Variants in PDX1 observed in about 807,000 individuals in gnomAD.
PDX1 encodes the protein pancreas/duodenum homeobox protein 1.
PDX1 carries 7 observed loss-of-function variants against 11.1 expected under a neutral mutation model. The ratio of observed to expected loss-of-function variants is 0.63; its 90% confidence interval spans 0.36 to 1.19. The LOEUF is 1.19. PDX1 is among the 50% of genes most tolerant of loss of function. The pLI is 0.02. For synonymous variants in PDX1, 232 were observed against 196.2 expected, an observed-to-expected ratio of 1.18 and a Z score of -1.53; for missense variants, 449 against 412.1, an observed-to-expected ratio of 1.09 and a Z score of -0.78.
At chr13:27,921,486 C>G (rs1957787087) in intron 1 of PDX1, among the ~76,000 whole-genome samples, 1 of 152,252 alleles carries the variant, frequency 6.6e-6, no homozygotes, top group African/African-American at 2.4e-5. Flanking sequence ...CGCCGCTACT[C>G]ACTGTCATCG....
At position 27,924,572 on chromosome 13, in the gene PDX1, G is replaced by T. The variant is rs754818945; in HGVS notation, c.723G>T (p.Pro241=). ...AGGAGCTTCTGGCGCTGCCGCCGCC[G>T]CCGCCCCCCGGAGGTGCTGTGCCGC... ...SGEELLALPP[P]PPPGGAVPPA... Residue 241 remains proline, a synonymous_variant, in exon 2 of 2, where the codon CCG becomes CCT. Transcript: ENST00000381033. The surrounding 1 kb of genome is among the most constrained non-coding windows in gnomAD (Gnocchi z 4.8). The T allele has an allele frequency of 2.0e-6, 3 of 1,505,590 alleles. No homozygotes were observed. The highest frequency in any genetic ancestry group is 8.8e-7 in the Non-Finnish European group (1 of 1,132,394). 93.3% of individuals were successfully genotyped at this position (1,505,590 alleles called of 1,614,324 possible).
rs1307141133 is a variant in PDX1 at position 27,925,276 on chromosome 13, C to G, written c.*575C>G. 1 of 181,428 alleles carries G rather than the reference C, an allele frequency of 5.5e-6. No homozygotes were observed. The highest frequency in any genetic ancestry group is 1.2e-5 in the Non-Finnish European group (1 of 85,600). The allele number at this position is 181,428 out of a possible 1,614,324, so 11.2% of individuals were successfully genotyped here. On this transcript the variant is annotated 3_prime_UTR_variant, in exon 2 of 2. Transcript: ENST00000381033. ...CTTCCTCCTCCTCCTCTTCCCCCTC[C>G]CCTTCCTCCTCCTCCTCTTCTTTTC...
In PDX1 at chr13:27,924,008, A is replaced by C. The variant is rs112453502; in HGVS notation, c.407-248A>C. Among the ~76,000 whole-genome samples the C allele has an allele frequency of 3.1e-4, 47 of 152,378 alleles. No individual in the cohort carries two copies. Among genetic ancestry groups the C allele is most frequent in the Middle Eastern group, 3.4e-3 (1 of 294 alleles). On this transcript the variant is annotated intron_variant, in intron 1 of 1. Coordinates refer to ENST00000381033, the MANE Select transcript of PDX1 (RefSeq NM_000209.4). The surrounding 1 kb of genome is among the most constrained non-coding windows in gnomAD (Gnocchi z 4.8). Reference sequence around the variant, plus strand: ...CATTGGCAGAGCCAAGCTTAGGCTCACGGCGAGAGCTGACTCGAGTTTGGT... The same window carrying C: ...CATTGGCAGAGCCAAGCTTAGGCTCCCGGCGAGAGCTGACTCGAGTTTGGT...
chr13:27,924,217 G>A lies in PDX1; in HGVS notation c.407-39G>A, dbSNP rs750758071. 6.6e-7 allele frequency: 1 copy of A among 1,513,426 alleles called. No individual in the cohort carries two copies. Among genetic ancestry groups the A allele is most frequent in the Non-Finnish European group, 8.9e-7 (1 of 1,128,494 alleles). 93.7% of individuals were successfully genotyped at this position (1,513,426 alleles called of 1,614,324 possible). On this transcript the variant is annotated intron_variant, in intron 1 of 1. Transcript: ENST00000381033. This position sits in a 1 kb window ranked among gnomAD's most constrained non-coding sequence, Gnocchi z 4.8. The stretch of plus-strand genomic sequence containing the variant: ...GGCTGCGTGGGTGGGGGCTGTGCGG[G>A]GCTCCGGGGGCCACACTCACGCCCT...
Position 27,925,071 on chromosome 13 carries a change from C to G in PDX1, c.*370C>G, listed in dbSNP as rs554736447. The G allele has an allele frequency of 3.7e-6, 1 of 267,272 alleles. No individual in the cohort carries two copies. The highest frequency in any genetic ancestry group is 2.2e-5 in the African/African-American group (1 of 44,980). The allele number at this position is 267,272 out of a possible 1,614,324, so 16.6% of individuals were successfully genotyped here. ...TCTTCAAAGACAATGGAAACTGTAC[C>G]ATACACATTGGAAGGCTCCCTAACA... On this transcript the variant is annotated 3_prime_UTR_variant, in exon 2 of 2. Coordinates refer to ENST00000381033, the MANE Select transcript of PDX1 (RefSeq NM_000209.4).
chr13:27,922,813 C>A (rs938616377), intron 1 of PDX1, among the ~76,000 whole-genome samples: 1 of 152,184 alleles, frequency 6.6e-6, no homozygotes, highest in Non-Finnish European at 1.5e-5. Flanking sequence ...AGAGACATGT[C>A]GGTTTAATGT....
At position 27,926,016 on chromosome 13, in the gene PDX1, C is replaced by T. The variant is rs954250190; in HGVS notation, c.*1315C>T. The T allele has an allele frequency of 5.9e-5, 9 of 152,248 alleles. No individual in the cohort carries two copies. Among genetic ancestry groups the T allele is most frequent in the African/African-American group, 2.2e-4 (9 of 41,468 alleles). 9.4% of individuals were successfully genotyped at this position (152,248 alleles called of 1,614,324 possible). A position where few individuals can be genotyped will look rare whatever the true frequency, so the allele number is the denominator to read the frequency against. The stretch of plus-strand genomic sequence containing the variant: ...ACAACTATTCACGAGCCAGTATGAC[C>T]TTCACATCTTTAGAAATTATGAAAA... On this transcript the variant is annotated 3_prime_UTR_variant, in exon 2 of 2. Coordinates refer to ENST00000381033, the MANE Select transcript of PDX1 (RefSeq NM_000209.4).
chr13:27,923,402 C>A (rs1258354107), intron 1 of PDX1, among the ~76,000 whole-genome samples: 1 of 152,202 alleles, frequency 6.6e-6, no homozygotes, highest in Non-Finnish European at 1.5e-5. Flanking sequence ...GGATCCAGGG[C>A]GTAGAGTCTG....
chr13:27,922,541 A>T (rs1041649493), intron 1 of PDX1, among the ~76,000 whole-genome samples: 1 of 152,160 alleles, frequency 6.6e-6, no homozygotes, highest in Non-Finnish European at 1.5e-5. Flanking sequence ...GTTTTGAAAA[A>T]CATTGACCCC....
rs1048297235 is a variant in PDX1, at chr13:27,920,274, C to T, written c.136C>T (p.Pro46Ser). 3.2e-6 allele frequency: 5 copies of T among 1,540,874 alleles called. No homozygotes were observed. In the African/African-American group the frequency reaches 5.6e-5, roughly 17 times the overall value. Residue 46 changes from proline to serine, a missense_variant, in exon 1 of 2, where the codon CCG (proline) becomes TCG (serine). By Grantham distance (74) the Pro-to-Ser change is moderately conservative. Around this residue, in one of 3 missense-constraint regions of PDX1, gnomAD observed 263 missense variants for 212.5 expected, o/e 1.24. Coordinates refer to ENST00000381033, the MANE Select transcript of PDX1 (RefSeq NM_000209.4). ...LYMGRQPPPP[P>S]PHPFPGALGA... Reference sequence around the variant, plus strand: ...CATGGGCCGCCAGCCCCCGCCGCCGCCGCCGCACCCGTTCCCTGGCGCCCT... The same window carrying T: ...CATGGGCCGCCAGCCCCCGCCGCCGTCGCCGCACCCGTTCCCTGGCGCCCT...
rs193922352 is a variant in PDX1, at chr13:27,920,088, A to ACTCCCGGCTCCCGG, written c.-36_-23dup. The ACTCCCGGCTCCCGG allele has an allele frequency of 1.3e-6, 2 of 1,546,312 alleles. No individual in the cohort carries two copies. Among genetic ancestry groups the ACTCCCGGCTCCCGG allele is most frequent in the Non-Finnish European group, 8.7e-7 (1 of 1,144,970 alleles). On this transcript the variant is annotated 5_prime_UTR_variant, in exon 1 of 2. Coordinates refer to ENST00000381033, the MANE Select transcript of PDX1 (RefSeq NM_000209.4). ...GCCAAATCCCCGGCTCCAGCTCCCG[A>ACTCCCGGCTCCCGG]CTCCCGGCTCCCGGCTCCCGGCTCC... is the stretch of plus-strand genomic sequence containing the variant.
Position 27,924,806 on chromosome 13 carries a change from G to T in PDX1, c.*105G>T, listed in dbSNP as rs569303756. ...GGACCACCCGCCCTGGCAGTTGAAT[G>T]GGGCGGCAATTGCGGGGCCCACCTT... On this transcript the variant is annotated 3_prime_UTR_variant, in exon 2 of 2. Coordinates refer to ENST00000381033, the MANE Select transcript of PDX1 (RefSeq NM_000209.4). The surrounding 1 kb of genome is among the most constrained non-coding windows in gnomAD (Gnocchi z 4.8). 7.1e-5 allele frequency: 68 copies of T among 952,064 alleles called. No individual in the cohort carries two copies. In the African/African-American group the frequency reaches 1.1e-3, roughly 15 times the overall value. 59.0% of individuals were successfully genotyped at this position (952,064 alleles called of 1,614,324 possible). A position where few individuals can be genotyped will look rare whatever the true frequency, so the allele number is the denominator to read the frequency against.
chr13:27,923,309 C>T (rs890474142), intron 1 of PDX1, among the ~76,000 whole-genome samples: 3 of 152,230 alleles, frequency 2.0e-5, no homozygotes, highest in Non-Finnish European at 4.4e-5. Flanking sequence ...TTCTGCACCA[C>T]TACCACCTCC....
In PDX1 at chr13:27,920,030, G is replaced by A. The variant is rs1432265293; in HGVS notation, c.-109G>A. ...CAGTGCGGAGCTGTCAAAGCGAGCA[G>A]GGGTGGCGCCGGGAGTGGGAACGCC... On this transcript the variant is annotated 5_prime_UTR_variant, in exon 1 of 2. Coordinates refer to ENST00000381033, the MANE Select transcript of PDX1 (RefSeq NM_000209.4). The A allele has an allele frequency of 1.2e-6, 1 of 813,842 alleles. No homozygotes were observed. The highest frequency in any genetic ancestry group is 1.7e-6 in the Non-Finnish European group (1 of 596,424). The allele number at this position is 813,842 out of a possible 1,614,324, so 50.4% of individuals were successfully genotyped here. A position where few individuals can be genotyped will look rare whatever the true frequency, so the allele number is the denominator to read the frequency against.
intron 1 of PDX1, among the ~76,000 whole-genome samples, chr13:27,923,318 C>T (rs1957801127): frequency 6.6e-6 from 1 of 152,236 alleles, no homozygotes; most frequent in Non-Finnish European, 1.5e-5. Flanking sequence ...ACTACCACCT[C>T]CTCCGTAGGG....
At position 27,924,475 on chromosome 13, in the gene PDX1, G is replaced by T; in HGVS notation, c.626G>T (p.Arg209Leu). ...TGGAAAAAGGAGGAGGACAAGAAGC[G>T]CGGCGGCGGGACAGCTGTCGGGGGT... ...MKWKKEEDKK[R>L]GGGTAVGGGG... is the part of the protein sequence containing the mutation. The change falls in exon 2 of 2, where the codon CGC becomes CTC. Residue 209 changes from arginine (R) to leucine (L), a missense_variant. Coordinates refer to ENST00000381033, the MANE Select transcript of PDX1 (RefSeq NM_000209.4). The surrounding 1 kb of genome is among the most constrained non-coding windows in gnomAD (Gnocchi z 4.8). 2 of 1,612,916 alleles carry T rather than the reference G, an allele frequency of 1.2e-6. No homozygotes were observed. Among genetic ancestry groups the T allele is most frequent in the Non-Finnish European group, 8.5e-7 (1 of 1,179,848 alleles).
rs1167923934 is a variant in PDX1 at position 27,924,678 on chromosome 13, C to G, written c.829C>G (p.Arg277Gly). The change falls in exon 2 of 2, where the codon CGG (arginine) becomes GGG (glycine). Residue 277 changes from arginine to glycine, a missense_variant. Around this residue, in one of 3 missense-constraint regions of PDX1, gnomAD observed 139 missense variants for 121.4 expected, o/e 1.14. Transcript: ENST00000381033. The surrounding 1 kb of genome is among the most constrained non-coding windows in gnomAD (Gnocchi z 4.8). ...ASPQPSSVAP[R>G]RPQEPR ...GCCACAGCCCTCCAGCGTCGCGCCT[C>G]GGCGGCCGCAGGAACCACGATGAGA... is the stretch of plus-strand genomic sequence containing the variant. The G allele has an allele frequency of 2.0e-6, 3 of 1,469,134 alleles. No individual in the cohort carries two copies. In the Admixed American group the frequency reaches 7.0e-5, roughly 34 times the overall value. The allele number at this position is 1,469,134 out of a possible 1,614,324, so 91.0% of individuals were successfully genotyped here.
intron 1 of PDX1, among the ~76,000 whole-genome samples, chr13:27,921,811 A>G (rs1270195245): frequency 2.6e-5 from 4 of 152,198 alleles, no homozygotes; most frequent in Non-Finnish European, 5.9e-5. Context: ...CTGCGCTGCA[A>G]TCGTCCCCAC....
In PDX1 at chr13:27,920,281, A is replaced by G. The variant is rs888522846; in HGVS notation, c.143A>G (p.His48Arg). The change falls in exon 1 of 2, where the codon CAC (histidine) becomes CGC (arginine). Residue 48 changes from histidine (H) to arginine (R), a missense_variant. This residue lies in a region of PDX1 where 263 missense variants were observed against 212.5 expected (regional missense o/e 1.24). Coordinates refer to ENST00000381033, the MANE Select transcript of PDX1 (RefSeq NM_000209.4). ...MGRQPPPPPP[H>R]PFPGALGALE... ...CGCCAGCCCCCGCCGCCGCCGCCGC[A>G]CCCGTTCCCTGGCGCCCTGGGCGCG... The G allele has an allele frequency of 1.9e-6, 3 of 1,539,782 alleles. No individual in the cohort carries two copies. The highest frequency in any genetic ancestry group is 4.0e-5 in the Admixed American group (2 of 50,188).
Sources: allele counts gnomAD v4.1 joint callset (sites outside exome capture counted in the v4.1 genomes callset), GRCh38; gene constraint gnomAD v4.1.1; regional missense constraint gnomAD v4.1.1; non-coding constraint Gnocchi (gnomAD v3.1); transcripts MANE v1.5; gene names NCBI Gene and HGNC (gene_info 2026-07-23, HGNC 2026-07-21).